TEX9: variants seen among roughly 807,000 people sequenced by gnomAD.
The protein encoded by TEX9 is testis expressed 9.
In TEX9, 74 loss-of-function variants were observed where a neutral mutation model predicts 59.6. That is an observed-to-expected ratio of 1.24 (90% CI 1.03 to 1.51). TEX9 has a LOEUF of 1.51. TEX9 is among the 40% of genes most tolerant of loss of function. The probability of loss-of-function intolerance (pLI) is 0.00; values close to 1 mark genes in which losing one functional copy is unlikely to be tolerated. For synonymous variants in TEX9, 186 were observed against 152.2 expected, an observed-to-expected ratio of 1.22 and a Z score of -1.64; for missense variants, 522 against 447.8, an observed-to-expected ratio of 1.17 and a Z score of -1.49.
chr15:56,248,604 A>G (rs2043924428), intron 1 of TEX9, among the ~76,000 whole-genome samples: 1 of 152,242 alleles, frequency 6.6e-6, no homozygotes, highest in Non-Finnish European at 1.5e-5. Flanking sequence ...TTGGTACCAT[A>G]TACATGTTTA....
the TEX9 span, among the ~76,000 whole-genome samples, chr15:56,452,854 T>C: frequency 1.5e-4 from 23 of 152,260 alleles, 1 homozygote; most frequent in East Asian, 4.4e-3. Context: ...CCACAGTGAA[T>C]CATCCTCAGC....
intron 2 of TEX9, 127 bp downstream of exon 2, chr15:56,365,797 A>C (rs2046916692): frequency 4.8e-6 from 7 of 1,468,580 alleles, no homozygotes; most frequent in Non-Finnish European, 6.3e-6. Context: ...CCTTCTCGTC[A>C]TCTCGTTCAC....
chr15:56,431,698 T>C (rs1233600780), intron 12 of TEX9, among the ~76,000 whole-genome samples: 7 of 152,014 alleles, frequency 4.6e-5, no homozygotes, highest in Non-Finnish European at 1.0e-4. Context: ...TTACTGTCAT[T>C]ATTCCTTTAA....
chr15:56,456,442 T>C, the TEX9 span: 1 of 1,612,324 alleles, frequency 6.2e-7, no homozygotes, highest in Non-Finnish European at 8.5e-7. Context: ...TAGACTTTCA[T>C]GTTTCAGTTT....
chr15:56,387,368 A>G (rs561609709), intron 4 of TEX9, among the ~76,000 whole-genome samples: 2 of 152,084 alleles, frequency 1.3e-5, no homozygotes, highest in African/African-American at 4.8e-5. Flanking sequence ...TAAAATTTGT[A>G]TAACATTTGG....
chr15:56,334,899 G>T (rs1226565022), intron 1 of TEX9, among the ~76,000 whole-genome samples: 1 of 152,130 alleles, frequency 6.6e-6, no homozygotes, highest in East Asian at 1.9e-4. Flanking sequence ...ACAGGTATAT[G>T]AAAAGGTGCT....
At chr15:56,388,718 A>AT (rs1330445048) in intron 5 of TEX9, among the ~76,000 whole-genome samples, 198 bp downstream of exon 5, 1 of 152,022 alleles carries the variant, frequency 6.6e-6, no homozygotes, top group Non-Finnish European at 1.5e-5. Flanking sequence ...ATTTCACTGA[A>AT]TAATTTGGAG....
chr15:56,397,153 G>A (rs1179840962), intron 9 of TEX9: 1 of 165,670 alleles, frequency 6.0e-6, no homozygotes, highest in Non-Finnish European at 1.3e-5. Flanking sequence ...AATCCAGGCT[G>A]AGGTGATCTC....
At chr15:56,428,736 T>G (rs956456049) in intron 12 of TEX9, 1 of 358,770 alleles carries the variant, frequency 2.8e-6, no homozygotes, top group African/African-American at 2.1e-5. Flanking sequence ...TAAAAGAAAA[T>G]TCCAAATATT....
chr15:56,318,886 T>C (rs1334309170), intron 1 of TEX9, among the ~76,000 whole-genome samples: 2 of 152,122 alleles, frequency 1.3e-5, no homozygotes, highest in Non-Finnish European at 2.9e-5. Context: ...AGTTTTATAA[T>C]TAATAATTTA....
intron 1 of TEX9, among the ~76,000 whole-genome samples, chr15:56,345,227 G>T (rs1376647054): frequency 1.3e-5 from 2 of 151,840 alleles, no homozygotes; most frequent in African/African-American, 4.8e-5. Context: ...GGTGGGGAAA[G>T]GAATGAGGGT....
chr15:56,362,844 T>C (rs1266370245), upstream of TEX9, among the ~76,000 whole-genome samples: 1 of 152,224 alleles, frequency 6.6e-6, no homozygotes, highest in Non-Finnish European at 1.5e-5. Context: ...AGAAATTAGA[T>C]AATACTTGGT....
intron 1 of TEX9, among the ~76,000 whole-genome samples, chr15:56,260,593 C>G (rs1014915145): frequency 1.3e-5 from 2 of 151,908 alleles, no homozygotes; most frequent in Non-Finnish European, 2.9e-5. Flanking sequence ...CTAGAATAAA[C>G]CAAATTGGTT....
At chr15:56,417,923 C>A (rs1264070609) in intron 10 of TEX9, among the ~76,000 whole-genome samples, 1 of 151,884 alleles carries the variant, frequency 6.6e-6, no homozygotes, top group Non-Finnish European at 1.5e-5. Flanking sequence ...CAACACTTTA[C>A]CATTCTGTAA....
intron 12 of TEX9, chr15:56,428,712 CA>C: frequency 4.4e-5 from 16 of 364,198 alleles, no homozygotes; most frequent in South Asian, 1.4e-4. Context: ...TACAGTAGAC[CA>C]AAAAAGATGC....
the TEX9 span, among the ~76,000 whole-genome samples, chr15:56,453,469 A>C: frequency 1.2e-4 from 19 of 152,278 alleles, no homozygotes; most frequent in East Asian, 3.7e-3. Flanking sequence ...CCAGAACATA[A>C]TTATACTGGT....
chr15:56,414,791 GC>G (rs1295581930), intron 10 of TEX9, among the ~76,000 whole-genome samples: 3 of 151,656 alleles, frequency 2.0e-5, no homozygotes, highest in African/African-American at 7.3e-5. Flanking sequence ...TGGTAGTTCT[GC>G]TTTTACCTCT....
chr15:56,438,615 A>C (rs1365557532), intron 12 of TEX9, among the ~76,000 whole-genome samples: 1 of 152,198 alleles, frequency 6.6e-6, no homozygotes, highest in East Asian at 1.9e-4. Context: ...CACCAAAAGC[A>C]ATGGCAACAA....
chr15:56,443,018 G>A (rs1418723036), intron 12 of TEX9, among the ~76,000 whole-genome samples: 1 of 151,946 alleles, frequency 6.6e-6, no homozygotes, highest in South Asian at 2.1e-4. Context: ...AGGTTCACAC[G>A]CCTTTAGGAC....
Sources: allele counts gnomAD v4.1 joint callset (sites outside exome capture counted in the v4.1 genomes callset), GRCh38; gene constraint gnomAD v4.1.1; transcripts MANE v1.5; gene names NCBI Gene and HGNC (gene_info 2026-07-23, HGNC 2026-07-21).